The following WNT7A variants were observed in gnomAD, a reference collection of about 807,000 sequenced individuals.
The protein encoded by WNT7A is Wnt family member 7A, also known as protein Wnt-7a.
A neutral mutation model predicts 28.2 loss-of-function variants in WNT7A; 16 were observed. That is an observed-to-expected ratio of 0.57 (90% CI 0.38 to 0.86). WNT7A has a LOEUF of 0.86. WNT7A is among the 40% of genes least tolerant of loss of function. WNT7A has a pLI of 0.00. For synonymous variants in WNT7A, 190 were observed against 195.9 expected, an observed-to-expected ratio of 0.97 and a Z score of 0.25; for missense variants, 411 against 489.7, an observed-to-expected ratio of 0.84 and a Z score of 1.52.
At chr3:13,855,443 T>A (rs1393902992) in intron 2 of WNT7A, among the ~76,000 whole-genome samples, 5 of 152,212 alleles carry the variant, frequency 3.3e-5, no homozygotes, top group Non-Finnish European at 7.3e-5. Flanking sequence ...CTACCTCTTG[T>A]TTTCGTGGCC....
chr3:13,860,893 T>C (rs1694817726), intron 2 of WNT7A, among the ~76,000 whole-genome samples: 1 of 152,148 alleles, frequency 6.6e-6, no homozygotes, highest in African/African-American at 2.4e-5. Flanking sequence ...CAATGACATA[T>C]AGTACATAAA....
chr3:13,869,583 AAAGG>A (rs982826996), intron 2 of WNT7A, among the ~76,000 whole-genome samples: 1 of 146,886 alleles, frequency 6.8e-6, no homozygotes, highest in African/African-American at 2.5e-5. Flanking sequence ...AGAGAGAGAG[AAAGG>A]AAGGAAGGAG....
chr3:13,877,522 G>A (rs1575077344), intron 1 of WNT7A, among the ~76,000 whole-genome samples: 1 of 152,244 alleles, frequency 6.6e-6, no homozygotes, highest in South Asian at 2.1e-4. Context: ...AGAGTGGATA[G>A]GTTGGCATAC....
intron 1 of WNT7A, among the ~76,000 whole-genome samples, chr3:13,876,673 G>A (rs1448194746): frequency 2.6e-5 from 4 of 152,130 alleles, no homozygotes; most frequent in Admixed American, 2.0e-4. Context: ...GATCACTCCT[G>A]CCGTTTCCCT....
rs1482154186 is a variant in WNT7A, at chr3:13,818,678, T to A, written c.*266A>T. On this transcript the variant is annotated 3_prime_UTR_variant, in exon 4 of 4. Transcript: ENST00000285018. ...GTGATGAGGCCCAGGGGTCCAGAGTTCCTGCTGCAGAAGGCTTCGCTCCAG... is the reference window on the plus strand; with the variant it reads ...GTGATGAGGCCCAGGGGTCCAGAGTACCTGCTGCAGAAGGCTTCGCTCCAG... The A allele has an allele frequency of 2.9e-6, 1 of 340,952 alleles. No homozygotes were observed. The highest frequency in any genetic ancestry group is 4.8e-5 in the East Asian group (1 of 20,948). 21.1% of individuals were successfully genotyped at this position (340,952 alleles called of 1,614,324 possible). A position where few individuals can be genotyped will look rare whatever the true frequency, so the allele number is the denominator to read the frequency against.
At chr3:13,875,320 C>G (rs1443902080) in intron 1 of WNT7A, 147 bp from the exon 2 acceptor site, 22 of 727,178 alleles carry the variant, frequency 3.0e-5, no homozygotes, top group Non-Finnish European at 5.3e-5. Flanking sequence ...TAACTCATGT[C>G]CATTCGAATA....
intron 3 of WNT7A, among the ~76,000 whole-genome samples, chr3:13,852,433 G>C (rs768261790): frequency 2.4e-4 from 37 of 152,364 alleles, no homozygotes; most frequent in Non-Finnish European, 4.7e-4. Flanking sequence ...CCTGTTGGGA[G>C]GGGGCTTCTG....
chr3:13,859,412 G>A (rs1694794396), intron 2 of WNT7A, among the ~76,000 whole-genome samples: 1 of 152,180 alleles, frequency 6.6e-6, no homozygotes, highest in African/African-American at 2.4e-5. Context: ...TGTAGGAAGA[G>A]GTAGACATCA....
At chr3:13,875,837 G>A (rs1004794712) in intron 1 of WNT7A, 4 of 154,242 alleles carry the variant, frequency 2.6e-5, no homozygotes, top group Non-Finnish European at 2.9e-5. Flanking sequence ...CGACTATTAT[G>A]AGGAGAATTC....
rs1301528657 is a variant in WNT7A at position 13,829,462 on chromosome 3, C to T, written c.571-10039G>A. Among the ~76,000 whole-genome samples, 6 of 152,290 alleles carry T rather than the reference C, an allele frequency of 3.9e-5. No homozygotes were observed. In the East Asian group the frequency reaches 5.8e-4, roughly 15 times the overall value. On this transcript the variant is annotated intron_variant, in intron 3 of 3. Coordinates refer to ENST00000285018, the MANE Select transcript of WNT7A (RefSeq NM_004625.4). Reference sequence around the variant, plus strand: ...GGCACCAGGTATCTCACAGAACTGGCGCCCAGCCTGTGGGAACTTTTCTCA... The same window carrying T: ...GGCACCAGGTATCTCACAGAACTGGTGCCCAGCCTGTGGGAACTTTTCTCA...
chr3:13,879,766 G>T lies in WNT7A; in HGVS notation c.51C>A (p.Gly17=), dbSNP rs1213895731. 4 of 1,612,814 alleles carry T rather than the reference G, an allele frequency of 2.5e-6. No individual in the cohort carries two copies. Among genetic ancestry groups the T allele is most frequent in the Non-Finnish European group, 3.4e-6 (4 of 1,179,294 alleles). Residue 17 remains glycine, a synonymous_variant, in exon 1 of 4, where the codon GGC becomes GGA. Transcript: ENST00000285018. ...RCLGHLFLSL[G]MVYLRIGGFS... Reference sequence around the variant, plus strand: ...CTTACCCGATCCGGAGGTAGACCATGCCCAGGCTGAGAAAGAGGTGGCCCA... The same window carrying T: ...CTTACCCGATCCGGAGGTAGACCATTCCCAGGCTGAGAAAGAGGTGGCCCA...
intron 3 of WNT7A, among the ~76,000 whole-genome samples, chr3:13,848,924 C>T (rs1694585477): frequency 6.6e-6 from 1 of 152,142 alleles, no homozygotes; most frequent in Non-Finnish European, 1.5e-5. Flanking sequence ...GGTAAAGGAA[C>T]CGGCTACTGA....
intron 3 of WNT7A, among the ~76,000 whole-genome samples, chr3:13,850,268 C>T (rs1694607713): frequency 6.6e-6 from 1 of 152,316 alleles, no homozygotes; most frequent in South Asian, 2.1e-4. Context: ...ACTGGCCACT[C>T]TATCTGGTCA....
chr3:13,861,105 C>T (rs1330043716), intron 2 of WNT7A, among the ~76,000 whole-genome samples: 3 of 152,222 alleles, frequency 2.0e-5, no homozygotes, highest in African/African-American at 4.8e-5. Flanking sequence ...TTGACCCACT[C>T]CCTTGCCTCA....
intron 2 of WNT7A, among the ~76,000 whole-genome samples, chr3:13,871,037 G>T (rs150990196): frequency 4.6e-5 from 7 of 152,336 alleles, no homozygotes; most frequent in African/African-American, 1.7e-4. Flanking sequence ...TTCCTCTTCA[G>T]TCACAGAGTC....
At chr3:13,862,425 C>T (rs745464459) in intron 2 of WNT7A, among the ~76,000 whole-genome samples, 5 of 152,216 alleles carry the variant, frequency 3.3e-5, no homozygotes, top group African/African-American at 4.8e-5. Flanking sequence ...CCACAAAGTG[C>T]ATTGTATTTT....
At chr3:13,846,174 T>G (rs1331597745) in intron 3 of WNT7A, among the ~76,000 whole-genome samples, 1 of 152,256 alleles carries the variant, frequency 6.6e-6, no homozygotes, top group African/African-American at 2.4e-5. Context: ...AGGATGCACG[T>G]GTGCGTGCCT....
At chr3:13,867,945 T>C (rs986601033) in intron 2 of WNT7A, among the ~76,000 whole-genome samples, 1 of 152,188 alleles carries the variant, frequency 6.6e-6, no homozygotes, top group South Asian at 2.1e-4. Context: ...AGTCCCAGTG[T>C]TGGAGCTGTG....
Position 13,879,833 on chromosome 3 carries a change from CG to C in WNT7A, c.-18del. On this transcript the variant is annotated 5_prime_UTR_variant, in exon 1 of 4. Coordinates refer to ENST00000285018, the MANE Select transcript of WNT7A (RefSeq NM_004625.4). ...CCGGTTCATAGTCCCGATTGGCCGC[CG>C]GGGCCGCGGGCCGGGCTGTGCTGAT... 6.2e-7 allele frequency: 1 copy of C among 1,606,154 alleles called. No individual in the cohort carries two copies. Among genetic ancestry groups the C allele is most frequent in the Non-Finnish European group, 8.5e-7 (1 of 1,176,146 alleles).
Sources: gnomAD v4.1 joint callset for allele counts (sites outside exome capture counted in the v4.1 genomes callset) on GRCh38, gnomAD v4.1.1 for gene constraint, MANE v1.5 for transcripts, NCBI Gene and HGNC (gene_info 2026-07-23, HGNC 2026-07-21) for gene names.